COL11A1: variants seen among roughly 807,000 people sequenced by gnomAD.
COL11A1 encodes collagen type XI alpha 1 chain, also known as collagen alpha-1(XI) chain.
COL11A1 carries 74 observed loss-of-function variants against 265.2 expected under a neutral mutation model. The observed-to-expected ratio is 0.28, with a 90% CI of 0.23 to 0.34. COL11A1 has a LOEUF of 0.34. Ranked by LOEUF, COL11A1 falls within the 10% of genes least tolerant of loss-of-function variation. The pLI is 1.00. For synonymous variants in COL11A1, 816 were observed against 727.6 expected, an observed-to-expected ratio of 1.12 and a Z score of -1.96; for missense variants, 2,165 against 2,263.6, an observed-to-expected ratio of 0.96 and a Z score of 0.88.
At chr1:102,889,677 A>T in intron 58 of COL11A1, 115 bp from the exon 59 acceptor site, 1 of 766,806 alleles carries the variant, frequency 1.3e-6, no homozygotes, top group South Asian at 1.6e-5. Flanking sequence ...CAATGCTGAT[A>T]AAACAACATT....
At chr1:103,075,265 A>G (rs1253730955) in intron 3 of COL11A1, among the ~76,000 whole-genome samples, 1 of 152,204 alleles carries the variant, frequency 6.6e-6, no homozygotes, top group Non-Finnish European at 1.5e-5. Flanking sequence ...CATCTAGAGC[A>G]AGTCAACGTC....
intron 57 of COL11A1, among the ~76,000 whole-genome samples, chr1:102,891,362 A>G (rs1651754205): frequency 6.6e-6 from 1 of 151,850 alleles, no homozygotes; most frequent in South Asian, 2.1e-4. Context: ...TCATATCTAA[A>G]TGATTTATGA....
intron 11 of COL11A1, among the ~76,000 whole-genome samples, chr1:103,016,684 C>T (rs1666594980): frequency 1.3e-5 from 2 of 151,802 alleles, no homozygotes; most frequent in Admixed American, 1.3e-4. Flanking sequence ...AAAAAGTTAA[C>T]TCCTAGGAAA....
rs1036630733 is a variant in COL11A1, at chr1:102,878,136, A to G, written c.5304T>C (p.Ile1768=). ...GATCAATTTTTGGTGTATTGATTTC[A>G]ATGACAGTCTTTTCATAGCCTTTTC... is the stretch of plus-strand genomic sequence containing the variant. ...ASRKGYEKTV[I]EINTPKIDQV... Residue 1768 remains isoleucine, a synonymous_variant, in exon 67 of 67, where the codon ATT becomes ATC. Transcript: ENST00000370096. 2 of 1,612,868 alleles carry G rather than the reference A, an allele frequency of 1.2e-6. No individual in the cohort carries two copies. Among genetic ancestry groups the G allele is most frequent in the Admixed American group, 1.7e-5 (1 of 59,916 alleles).
chr1:102,952,626 C>T (rs946109234), intron 41 of COL11A1, among the ~76,000 whole-genome samples: 3 of 152,142 alleles, frequency 2.0e-5, no homozygotes, highest in African/African-American at 4.8e-5. Flanking sequence ...AATGTATATC[C>T]ATGCCCTAAA....
Position 103,082,915 on chromosome 1 carries a change from G to C in COL11A1, c.164C>G (p.Ser55Ter). 6.2e-7 allele frequency: 1 copy of C among 1,613,366 alleles called. No individual in the cohort carries two copies. The highest frequency in any genetic ancestry group is 8.5e-7 in the Non-Finnish European group (1 of 1,179,594). The change falls in exon 2 of 67, where the codon TCA (serine) becomes TGA (stop). Residue 55 changes from serine (S) to a stop codon, truncating the protein, a stop_gained. Transcript: ENST00000370096. LOFTEE classifies it high-confidence loss of function. ...GTTTGTGCAAAATCCCGTTGTTTTT[G>C]ATATTCCCTCTGGAGAATTGTGAAA... The part of the protein sequence containing the change: ...LDFHNSPEGI[S>*]KTTGFCTNRK...
At chr1:103,050,705 C>A (rs975185135) in intron 4 of COL11A1, among the ~76,000 whole-genome samples, 1 of 152,054 alleles carries the variant, frequency 6.6e-6, no homozygotes, top group South Asian at 2.1e-4. Flanking sequence ...AGTTTTTCTG[C>A]TCTGTTTTTT....
In COL11A1 at chr1:102,889,554, A is replaced by G; in HGVS notation, c.4365T>C (p.Pro1455=). 2 of 1,613,058 alleles carry G rather than the reference A, an allele frequency of 1.2e-6. No homozygotes were observed. Among genetic ancestry groups the G allele is most frequent in the East Asian group, 2.2e-5 (1 of 44,832 alleles). Residue 1455 remains proline, a synonymous_variant, in exon 59 of 67, where the codon CCT becomes CCC. Coordinates refer to ENST00000370096, the MANE Select transcript of COL11A1 (RefSeq NM_001854.4). ...DPGSKGEKGH[P]GLIGLIGPPG... is the part of the protein sequence containing the mutation. ...GAGGACCAATCAGGCCAATTAAACC[A>G]GGATGTCCCTTTGAAAGGCAGAGAA...
At chr1:103,042,329 T>G (rs938136984) in intron 4 of COL11A1, among the ~76,000 whole-genome samples, 1 of 152,144 alleles carries the variant, frequency 6.6e-6, no homozygotes, top group African/African-American at 2.4e-5. Flanking sequence ...TATAAGAAAT[T>G]TGAAATAACT....
chr1:102,992,168 G>A (rs181085991), intron 28 of COL11A1, among the ~76,000 whole-genome samples: 117 of 151,980 alleles, frequency 7.7e-4, no homozygotes, highest in Non-Finnish European at 1.4e-3. Flanking sequence ...GCATATTCAC[G>A]TTTAAAAAAC....
At chr1:102,930,760 C>G (rs1237869636) in intron 46 of COL11A1, among the ~76,000 whole-genome samples, 1 of 151,928 alleles carries the variant, frequency 6.6e-6, no homozygotes, top group Non-Finnish European at 1.5e-5. Flanking sequence ...ATTATTGCCA[C>G]AATTTCAGAT....
chr1:102,932,182 T>C (rs1657542995), intron 46 of COL11A1, among the ~76,000 whole-genome samples: 1 of 152,190 alleles, frequency 6.6e-6, no homozygotes, highest in Admixed American at 6.5e-5. Context: ...ACTTTCTTCC[T>C]AGTCTCGATG....
intron 1 of COL11A1, 98 bp from the exon 2 acceptor site, chr1:103,083,070 G>T: frequency 8.4e-7 from 1 of 1,194,210 alleles, no homozygotes; most frequent in South Asian, 1.4e-5. Context: ...TTCATACCTT[G>T]AATCTATTTA....
intron 4 of COL11A1, among the ~76,000 whole-genome samples, chr1:103,069,756 C>A (rs1331206905): frequency 6.6e-6 from 1 of 151,762 alleles, no homozygotes. Context: ...TTTGAAAAGA[C>A]ACCTCACAAA....
At chr1:102,926,796 A>C (rs1347031458) in intron 46 of COL11A1, among the ~76,000 whole-genome samples, 1 of 152,170 alleles carries the variant, frequency 6.6e-6, no homozygotes, top group Non-Finnish European at 1.5e-5. Context: ...AAGAAAATGA[A>C]TATTAATGTA....
chr1:103,086,765 A>G (rs1672908706), intron 1 of COL11A1, among the ~76,000 whole-genome samples: 1 of 152,014 alleles, frequency 6.6e-6, no homozygotes, highest in Admixed American at 6.6e-5. Flanking sequence ...CACTCCTCAA[A>G]AAACAATACA....
intron 38 of COL11A1, 22 bp downstream of exon 38, chr1:102,965,465 G>A: frequency 2.5e-6 from 4 of 1,608,560 alleles, no homozygotes; most frequent in Non-Finnish European, 3.4e-6. Context: ...TCTTGCTTGG[G>A]AAATAAAGCA....
At chr1:102,923,237 A>G in intron 47 of COL11A1, 99 bp downstream of exon 47, 1 of 983,118 alleles carries the variant, frequency 1.0e-6, no homozygotes, top group Admixed American at 2.0e-5. Flanking sequence ...ACACCTCAAT[A>G]ATATATACAT....
chr1:103,033,945 A>G (rs10782916), intron 4 of COL11A1, among the ~76,000 whole-genome samples: 142,432 of 152,136 alleles, frequency 0.94, 66,907 homozygotes, highest in East Asian at 1. Flanking sequence ...TTTCCTTTGC[A>G]TTTGAGAGTC....
Sources: gnomAD v4.1 joint callset for allele counts (sites outside exome capture counted in the v4.1 genomes callset) on GRCh38, gnomAD v4.1.1 for gene constraint, MANE v1.5 for transcripts, NCBI Gene and HGNC (gene_info 2026-07-23, HGNC 2026-07-21) for gene names.